PHLDB3: variants seen among roughly 807,000 people sequenced by gnomAD.
PHLDB3 encodes pleckstrin homology like domain family B member 3.
PHLDB3 carries 86 observed loss-of-function variants against 85.7 expected under a neutral mutation model. The ratio of observed to expected loss-of-function variants is 1.00; its 90% CI spans 0.84 to 1.20. The LOEUF (loss-of-function observed/expected upper bound fraction) is 1.20. Ranked by LOEUF, PHLDB3 falls within the 50% of genes most tolerant of loss-of-function variation. The probability of loss-of-function intolerance (pLI) is 0.00; values close to 1 mark genes in which losing one functional copy is unlikely to be tolerated. For synonymous variants in PHLDB3, 376 were observed against 349.8 expected, an observed-to-expected ratio of 1.07 and a Z score of -0.83; for missense variants, 995 against 873.0, an observed-to-expected ratio of 1.14 and a Z score of -1.76.
intron 9 of PHLDB3, among the ~76,000 whole-genome samples, chr19:43,490,971 C>T (rs1599947422): frequency 6.6e-6 from 1 of 152,312 alleles, no homozygotes. Flanking sequence ...TGACCTCCTG[C>T]AATGCATGTA....
At chr19:43,490,447 G>C (rs968652424) in intron 9 of PHLDB3, among the ~76,000 whole-genome samples, 4 of 152,056 alleles carry the variant, frequency 2.6e-5, no homozygotes, top group African/African-American at 9.7e-5. Flanking sequence ...CAGCTACTTG[G>C]GGGGCTGAGG....
Position 43,475,477 on chromosome 19 carries a change from C to A in PHLDB3, c.1856G>T (p.Ser619Ile), listed in dbSNP as rs201872655. 25 of 1,613,870 alleles carry A rather than the reference C, an allele frequency of 1.5e-5. No homozygotes were observed. In the African/African-American group the frequency reaches 3.2e-4, roughly 21 times the overall value. ...CATCCAAATGCGCATGGCTTCGGGG[C>A]TCGGAGCCACCATGTAGAAAAGGCG... ...YERLFYMVAPSPEAMRIWMDV... is the reference protein window; with the variant it reads ...YERLFYMVAPIPEAMRIWMDV... Residue 619 changes from serine (S) to isoleucine (I), a missense_variant, in exon 16 of 16, where the codon AGC (serine) becomes ATC (isoleucine). Coordinates refer to ENST00000292140, the MANE Select transcript of PHLDB3 (RefSeq NM_198850.4).
intron 5 of PHLDB3, 64 bp from the exon 6 acceptor site, chr19:43,497,343 T>C: frequency 7.8e-7 from 1 of 1,274,408 alleles, no homozygotes; most frequent in Admixed American, 3.5e-5. Flanking sequence ...AGTAGTGGGC[T>C]GGGGCTGGGA....
rs1488606338 is a variant in PHLDB3, at chr19:43,503,931, C to T, written c.188G>A (p.Ser63Asn). 6.2e-7 allele frequency: 1 copy of T among 1,613,920 alleles called. No homozygotes were observed. The highest frequency in any genetic ancestry group is 8.5e-7 in the Non-Finnish European group (1 of 1,179,810). Reference protein sequence around the residue: ...QAEEEEVGEGSSTESSRDAPE... With the variant: ...QAEEEEVGEGNSTESSRDAPE... The stretch of plus-strand genomic sequence containing the variant: ...CGCGTCGCGGCTGCTCTCAGTGCTG[C>T]TGCCTTCTCCCACTTCTTCTTCCTC... The change falls in exon 2 of 16, where the codon AGC (serine) becomes AAC (asparagine). Residue 63 changes from serine (S) to asparagine (N), a missense_variant. Physicochemically the swap from Ser to Asn is conservative, Grantham distance 46. Coordinates refer to ENST00000292140, the MANE Select transcript of PHLDB3 (RefSeq NM_198850.4).
intron 13 of PHLDB3, among the ~76,000 whole-genome samples, chr19:43,480,767 G>C (rs58361778): frequency 0.013 from 1,923 of 152,252 alleles, 36 homozygotes; most frequent in African/African-American, 0.043. Context: ...ACTCAGAGAG[G>C]TTAAGTCACT....
chr19:43,492,633 A>G (rs1330000904), intron 9 of PHLDB3, among the ~76,000 whole-genome samples: 1 of 151,888 alleles, frequency 6.6e-6, no homozygotes, highest in East Asian at 1.9e-4. Flanking sequence ...TCAAAAAAAA[A>G]AAAAAAAAAA....
At chr19:43,495,464 G>A (rs762047921) in intron 7 of PHLDB3, 31 bp downstream of exon 7, 12 of 1,604,608 alleles carry the variant, frequency 7.5e-6, no homozygotes, top group African/African-American at 6.7e-5. Flanking sequence ...AAGTGAGGAC[G>A]GTAGGGTAGG....
At chr19:43,494,934 G>C (rs1383275722) in intron 8 of PHLDB3, 119 bp from the exon 9 acceptor site, 2 of 725,986 alleles carry the variant, frequency 2.8e-6, no homozygotes, top group East Asian at 5.4e-5. Context: ...AAAAACTAAG[G>C]AGAGATGGAA....
intron 9 of PHLDB3, among the ~76,000 whole-genome samples, chr19:43,491,345 T>C (rs946507654): frequency 3.3e-5 from 5 of 152,280 alleles, no homozygotes; most frequent in Admixed American, 2.0e-4. Context: ...AAATTTTATA[T>C]ATTAGGTTGA....
intron 9 of PHLDB3, among the ~76,000 whole-genome samples, chr19:43,492,500 CCACCAAGCCCAGCCCACA>C (rs1971343327): frequency 6.6e-6 from 1 of 152,120 alleles, no homozygotes; most frequent in South Asian, 2.1e-4. Flanking sequence ...CAGGCATGAG[CCACCAAGCCCAGCCCACA>C]CACTGGTATT....
At chr19:43,499,031 G>A (rs1971529949) in intron 4 of PHLDB3, among the ~76,000 whole-genome samples, 1 of 152,092 alleles carries the variant, frequency 6.6e-6, no homozygotes, top group African/African-American at 2.4e-5. Flanking sequence ...AAAGGATGGG[G>A]TAGGAGCTAG....
intron 4 of PHLDB3, 116 bp from the exon 5 acceptor site, chr19:43,497,992 A>G: frequency 7.0e-7 from 1 of 1,427,332 alleles, no homozygotes; most frequent in Middle Eastern, 2.0e-4. Flanking sequence ...GACTTCATCT[A>G]TGTGATTCAC....
chr19:43,501,589 G>T, intron 4 of PHLDB3, 145 bp downstream of exon 4: 4 of 1,405,264 alleles, frequency 2.8e-6, no homozygotes, highest in Non-Finnish European at 3.7e-6. Flanking sequence ...AACCAGGAGG[G>T]GCATCTGCCC....
intron 13 of PHLDB3, among the ~76,000 whole-genome samples, chr19:43,484,166 G>A (rs1049417523): frequency 1.7e-4 from 26 of 150,752 alleles, no homozygotes; most frequent in Middle Eastern, 3.4e-3. Flanking sequence ...CGGGAGAATC[G>A]CTTGAACCCT....
intron 14 of PHLDB3, among the ~76,000 whole-genome samples, chr19:43,478,888 C>G (rs1246973643): frequency 6.6e-6 from 1 of 152,016 alleles, no homozygotes. Context: ...GCACTCCAGC[C>G]TGGGCGACAG....
rs1599952745 is a variant in PHLDB3, at chr19:43,495,287, T to G, written c.1004A>C (p.Asp335Ala). Residue 335 changes from aspartate (D) to alanine (A), a missense_variant, in exon 8 of 16, where the codon GAC becomes GCC. Coordinates refer to ENST00000292140, the MANE Select transcript of PHLDB3 (RefSeq NM_198850.4). ...LNCLQGTPGGDFSEPNPALTK... is the reference protein window; with the variant it reads ...LNCLQGTPGGAFSEPNPALTK... ...GAGGGCCGGGTTGGGCTCAGAGAAG[T>G]CCCCGCCAGGTGTTCCCTGAAGGCA... 6.2e-7 allele frequency: 1 copy of G among 1,613,702 alleles called. No individual in the cohort carries two copies. The highest frequency in any genetic ancestry group is 1.3e-5 in the African/African-American group (1 of 75,008).
In PHLDB3 at chr19:43,497,781, G is replaced by A; in HGVS notation, c.630C>T (p.Asp210=). The change falls in exon 5 of 16, where the codon GAC becomes GAT. Residue 210 remains aspartate (D), a synonymous_variant. Transcript: ENST00000292140. Reference sequence around the variant, plus strand: ...CACCCTGCAGAAGCCGCTCGCGTTGGTCCTCTGGCTGTGAGTCGAGCTGTC... The same window carrying A: ...CACCCTGCAGAAGCCGCTCGCGTTGATCCTCTGGCTGTGAGTCGAGCTGTC... The part of the protein sequence containing the change: ...AQGQLDSQPE[D]QRERLLQGVQ... 1.3e-6 allele frequency: 2 copies of A among 1,554,660 alleles called. No homozygotes were observed. The highest frequency in any genetic ancestry group is 1.7e-6 in the Non-Finnish European group (2 of 1,148,780).
At chr19:43,502,361 C>G (rs1971629571) in intron 2 of PHLDB3, 78 bp from the exon 3 acceptor site, 1 of 1,396,728 alleles carries the variant, frequency 7.2e-7, no homozygotes, top group Non-Finnish European at 9.6e-7. Flanking sequence ...CCCCACCCAA[C>G]ATCACCCTCT....
chr19:43,500,895 G>GCTCCCC (rs1971571395), intron 4 of PHLDB3, among the ~76,000 whole-genome samples: 1 of 33,560 alleles, frequency 3.0e-5, no homozygotes. Flanking sequence ...CTCCCACTTT[G>GCTCCCC]CCCCGCCCCC....
Sources: gnomAD v4.1 joint callset for allele counts (sites outside exome capture counted in the v4.1 genomes callset) on GRCh38, gnomAD v4.1.1 for gene constraint, MANE v1.5 for transcripts, NCBI Gene and HGNC (gene_info 2026-07-23, HGNC 2026-07-21) for gene names.